Variants in PDE1C observed in about 807,000 individuals in gnomAD.
PDE1C encodes dual specificity calcium/calmodulin-dependent 3',5'-cyclic nucleotide phosphodiesterase 1C.
PDE1C carries 62 observed loss-of-function variants against 93.1 expected under a neutral mutation model. That is an observed-to-expected ratio of 0.67 (90% confidence interval 0.54 to 0.82). The LOEUF is 0.82. PDE1C is among the 40% of genes least tolerant of loss of function. The pLI is 0.00. For missense variants in PDE1C, 742 were observed against 884.6 expected (o/e 0.84, Z 2.04); for synonymous variants, 325 against 310.1 (o/e 1.05, Z -0.50).
intron 1 of PDE1C, among the ~76,000 whole-genome samples, chr7:32,297,169 G>A (rs1812646677): frequency 6.6e-6 from 1 of 152,142 alleles, no homozygotes; most frequent in South Asian, 2.1e-4. Flanking sequence ...GGTACGTTTG[G>A]AGAAGGGCAA....
chr7:32,165,091 ACAGACCTTT>A (rs1353177080), intron 3 of PDE1C, among the ~76,000 whole-genome samples: 1 of 152,178 alleles, frequency 6.6e-6, no homozygotes, highest in East Asian at 1.9e-4. Flanking sequence ...GGTTTTGAAA[ACAGACCTTT>A]CATGCCACAA....
chr7:32,016,480 C>A (rs527998823), intron 2 of PDE1C, among the ~76,000 whole-genome samples: 1 of 152,272 alleles, frequency 6.6e-6, no homozygotes, highest in Non-Finnish European at 1.5e-5. Flanking sequence ...TTTCCATACT[C>A]TTTACATTTC....
intron 17 of PDE1C, among the ~76,000 whole-genome samples, chr7:31,762,721 C>G (rs1348966152): frequency 6.6e-6 from 1 of 152,084 alleles, no homozygotes; most frequent in African/African-American, 2.4e-5. Flanking sequence ...TCTATGGCTT[C>G]CATTTTTTCA....
the PDE1C span, among the ~76,000 whole-genome samples, chr7:31,663,816 A>G: frequency 6.6e-6 from 1 of 152,198 alleles, no homozygotes; most frequent in African/African-American, 2.4e-5. Flanking sequence ...CATAATTTAC[A>G]TACCGTGTTT....
At chr7:31,869,466 T>C in intron 6 of PDE1C, among the ~76,000 whole-genome samples, 1 of 151,182 alleles carries the variant, frequency 6.6e-6, no homozygotes, top group Middle Eastern at 3.4e-3. Flanking sequence ...CAAGCAGGAG[T>C]AGCTATACTT....
At chr7:31,770,853 T>G (rs1418129514) in intron 17 of PDE1C, among the ~76,000 whole-genome samples, 1 of 152,336 alleles carries the variant, frequency 6.6e-6, no homozygotes, top group East Asian at 1.9e-4. Context: ...TATGGTTCCC[T>G]CTCCATGCTA....
intron 1 of PDE1C, among the ~76,000 whole-genome samples, chr7:32,418,105 C>T (rs1785312410): frequency 6.6e-6 from 1 of 152,216 alleles, no homozygotes; most frequent in African/African-American, 2.4e-5. Context: ...CCTCCAGCCT[C>T]AGCCTCCCAA....
Position 31,837,921 on chromosome 7 carries a change from C to A in PDE1C, c.1031G>T (p.Cys344Phe). The change falls in exon 10 of 18, where the codon TGT becomes TTT. Residue 344 changes from cysteine to phenylalanine, a missense_variant. Transcript: ENST00000396191. ...CATTGCTTTGATTTGTTGGAAGTGA[C>A]AAGACATATCTGTGGCCATCACCAT... is the stretch of plus-strand genomic sequence containing the variant. Reference protein sequence around the residue: ...IEMVMATDMSCHFQQIKAMKT... With the variant: ...IEMVMATDMSFHFQQIKAMKT... The A allele has an allele frequency of 6.2e-7, 1 of 1,613,720 alleles. No individual in the cohort carries two copies. The highest frequency in any genetic ancestry group is 1.1e-5 in the South Asian group (1 of 91,064).
intron 1 of PDE1C, among the ~76,000 whole-genome samples, chr7:32,344,775 T>C (rs1018435245): frequency 6.6e-6 from 1 of 152,170 alleles, no homozygotes; most frequent in Non-Finnish European, 1.5e-5. Context: ...TCTCCAGGAA[T>C]CTAAGCTCCA....
At chr7:31,716,041 C>G in the PDE1C span, among the ~76,000 whole-genome samples, 1 of 152,164 alleles carries the variant, frequency 6.6e-6, no homozygotes, top group East Asian at 1.9e-4. Flanking sequence ...TAAGGACCAA[C>G]TGCGTGCCTC....
chr7:31,824,847 C>T lies in PDE1C; in HGVS notation c.1406+20G>A, dbSNP rs1219816378. 1.2e-6 allele frequency: 2 copies of T among 1,611,588 alleles called. No individual in the cohort carries two copies. The highest frequency in any genetic ancestry group is 1.3e-5 in the African/African-American group (1 of 74,814). ...AGGACAGGCCAACCTCACCCTCAGC[C>T]CTCAAGCTTCCCCACTGACCTCGAA... On this transcript the variant is annotated intron_variant, in intron 13 of 17. Transcript: ENST00000396191.
the PDE1C span, among the ~76,000 whole-genome samples, chr7:31,704,593 C>G: frequency 6.6e-6 from 1 of 152,178 alleles, no homozygotes; most frequent in African/African-American, 2.4e-5. Context: ...ATGTATTGTC[C>G]AGTGATTCCT....
At chr7:31,921,688 GATA>G (rs1237214087) in intron 2 of PDE1C, among the ~76,000 whole-genome samples, 1 of 151,986 alleles carries the variant, frequency 6.6e-6, no homozygotes, top group African/African-American at 2.4e-5. Flanking sequence ...AGTAAAGCTT[GATA>G]ATAAAAAAAC....
chr7:31,910,645 G>A (rs1313583395), intron 2 of PDE1C, among the ~76,000 whole-genome samples: 1 of 152,222 alleles, frequency 6.6e-6, no homozygotes, highest in African/African-American at 2.4e-5. Flanking sequence ...AAGAGGCCAT[G>A]TATGTGGTGG....
At chr7:32,086,379 T>G (rs1301106723) in intron 3 of PDE1C, among the ~76,000 whole-genome samples, 3 of 152,174 alleles carry the variant, frequency 2.0e-5, no homozygotes, top group African/African-American at 4.8e-5. Flanking sequence ...GGAAGAACAT[T>G]CCATGTTCAT....
At chr7:32,030,889 T>A (rs1036671355) in intron 2 of PDE1C, among the ~76,000 whole-genome samples, 3 of 152,050 alleles carry the variant, frequency 2.0e-5, no homozygotes, top group African/African-American at 4.8e-5. Flanking sequence ...AAGAAAAATA[T>A]TTAAAGGTGA....
the PDE1C span, chr7:31,686,985 T>C: frequency 1.3e-5 from 2 of 152,328 alleles, no homozygotes; most frequent in African/African-American, 4.8e-5. Flanking sequence ...GGGAATTCAA[T>C]GATGTAGCTG....
intron 2 of PDE1C, among the ~76,000 whole-genome samples, chr7:32,174,270 T>C (rs1023397780): frequency 6.6e-6 from 1 of 152,038 alleles, no homozygotes; most frequent in Non-Finnish European, 1.5e-5. Flanking sequence ...TAAACACATA[T>C]TGAATTCCCT....
chr7:31,839,115 T>C (rs986989193), intron 9 of PDE1C, among the ~76,000 whole-genome samples: 28 of 148,686 alleles, frequency 1.9e-4, no homozygotes, highest in African/African-American at 6.4e-4. Context: ...ATGTATTATA[T>C]ATTAAATATG....
Sources: gnomAD v4.1 joint callset for allele counts (sites outside exome capture counted in the v4.1 genomes callset) on GRCh38, gnomAD v4.1.1 for gene constraint, MANE v1.5 for transcripts, NCBI Gene and HGNC (gene_info 2026-07-23, HGNC 2026-07-21) for gene names.